The following STK33 variants were observed in gnomAD, a reference collection of about 807,000 sequenced individuals.
The protein encoded by STK33 is serine/threonine kinase 33.
A neutral mutation model predicts 58.0 loss-of-function variants in STK33; 52 were observed. The observed-to-expected ratio is 0.90, with a 90% CI of 0.72 to 1.13. The LOEUF is 1.13. STK33 is among the 50% of genes most tolerant of loss of function. The pLI, the probability that STK33 is intolerant of heterozygous loss-of-function variation, is 0.00. For synonymous variants in STK33, 215 were observed against 200.1 expected, an observed-to-expected ratio of 1.07 and a Z score of -0.63; for missense variants, 630 against 604.2, an observed-to-expected ratio of 1.04 and a Z score of -0.45.
intron 12 of STK33, among the ~76,000 whole-genome samples, chr11:8,437,458 A>T (rs1342273810): frequency 1.3e-5 from 2 of 152,216 alleles, no homozygotes; most frequent in Non-Finnish European, 1.5e-5. Flanking sequence ...AACCAGACAG[A>T]TGTAATTAGA....
rs142710171 is a variant in STK33, at chr11:8,475,002, T to G, written c.-97A>C. 9 of 1,188,632 alleles carry G rather than the reference T, an allele frequency of 7.6e-6. No homozygotes were observed. In the East Asian group the frequency reaches 2.0e-4, roughly 26 times the overall value. 73.6% of individuals were successfully genotyped at this position (1,188,632 alleles called of 1,614,324 possible). A position where few individuals can be genotyped will look rare whatever the true frequency, so the allele number is the denominator to read the frequency against. On this transcript the variant is annotated 5_prime_UTR_variant, in exon 5 of 16. Coordinates refer to ENST00000687296, the MANE Select transcript of STK33 (RefSeq NM_001352389.2). Reference sequence around the variant, plus strand: ...GGATAAGGTAGTTGATGGTGAAAACTGTAATTTCGAACTGGTGAAGTCCTC... The same window carrying G: ...GGATAAGGTAGTTGATGGTGAAAACGGTAATTTCGAACTGGTGAAGTCCTC...
chr11:8,553,610 G>A (rs180960880), intron 1 of STK33, among the ~76,000 whole-genome samples: 2 of 152,040 alleles, frequency 1.3e-5, no homozygotes, highest in African/African-American at 4.8e-5. Flanking sequence ...TAGACACACT[G>A]ACCAATGGAA....
chr11:8,578,184 C>T lies in STK33; in HGVS notation c.-466+15899G>A, dbSNP rs377465337. Among the ~76,000 whole-genome samples, 11 of 152,218 alleles carry T rather than the reference C, an allele frequency of 7.2e-5. No homozygotes were observed. The South Asian group carries it at 2.1e-3, about 29-fold the overall frequency. On this transcript the variant is annotated intron_variant, in intron 1 of 15. Coordinates refer to ENST00000687296, the MANE Select transcript of STK33 (RefSeq NM_001352389.2). Reference sequence around the variant, plus strand: ...ACTTACTTATTTATGATTTATCACACATTTGTACTGGGAAGAAAAACCTTC... The same window carrying T: ...ACTTACTTATTTATGATTTATCACATATTTGTACTGGGAAGAAAAACCTTC...
At chr11:8,517,523 G>A (rs1415155019) in intron 1 of STK33, among the ~76,000 whole-genome samples, 5 of 151,816 alleles carry the variant, frequency 3.3e-5, no homozygotes, top group African/African-American at 7.2e-5. Flanking sequence ...TCAGACGATC[G>A]GTAATAACAA....
intron 1 of STK33, among the ~76,000 whole-genome samples, chr11:8,525,755 G>A (rs901202435): frequency 6.6e-6 from 1 of 152,114 alleles, no homozygotes; most frequent in Admixed American, 6.5e-5. Context: ...ATACCATTAA[G>A]AGAGTGAAAG....
At chr11:8,450,719 C>T (rs1332080733) in intron 11 of STK33, among the ~76,000 whole-genome samples, 1 of 152,100 alleles carries the variant, frequency 6.6e-6, no homozygotes, top group Non-Finnish European at 1.5e-5. Context: ...AGAAAAGCTA[C>T]AGTCAAAGCT....
intron 15 of STK33, among the ~76,000 whole-genome samples, chr11:8,407,442 T>G (rs139892608): frequency 0.011 from 1,713 of 152,236 alleles, 41 homozygotes; most frequent in African/African-American, 0.037. Flanking sequence ...TTAGAAGAAT[T>G]AGACAGTGAA....
At chr11:8,466,514 G>A (rs1948203056) in intron 6 of STK33, 1 of 152,238 alleles carries the variant, frequency 6.6e-6, no homozygotes, top group African/African-American at 2.4e-5. Context: ...TGATGCAAGA[G>A]GTAGGTTCCC....
the STK33 span, among the ~76,000 whole-genome samples, chr11:8,338,434 T>A: frequency 3.3e-5 from 5 of 152,130 alleles, no homozygotes; most frequent in African/African-American, 1.2e-4. Context: ...TCCTATCAGT[T>A]ATCAGGAACA....
chr11:8,373,812 G>A, the STK33 span, among the ~76,000 whole-genome samples: 77 of 152,270 alleles, frequency 5.1e-4, 1 homozygote, highest in Non-Finnish European at 8.4e-4. Flanking sequence ...GCCTTCTGGG[G>A]GCCTCCCTGG....
intron 1 of STK33, among the ~76,000 whole-genome samples, chr11:8,520,398 G>A (rs1180820224): frequency 1.3e-5 from 2 of 151,962 alleles, no homozygotes; most frequent in Non-Finnish European, 2.9e-5. Flanking sequence ...TACTGAATGG[G>A]CAAAAACTGG....
intron 14 of STK33, chr11:8,433,778 A>G (rs551214410): frequency 1.6e-4 from 24 of 152,042 alleles, no homozygotes; most frequent in African/African-American, 5.1e-4. Flanking sequence ...TATCAATTAT[A>G]CCTCTAAAAT....
At chr11:8,511,887 G>A (rs190974722) in intron 1 of STK33, among the ~76,000 whole-genome samples, 2 of 152,066 alleles carry the variant, frequency 1.3e-5, no homozygotes. Flanking sequence ...GTATTTTGTT[G>A]AAGATTTTTG....
chr11:8,558,398 T>TACACAC (rs71059170), intron 1 of STK33, among the ~76,000 whole-genome samples: 2 of 149,686 alleles, frequency 1.3e-5, no homozygotes, highest in African/African-American at 4.9e-5. Flanking sequence ...TTGTCAGTGA[T>TACACAC]ACACACACAC....
chr11:8,429,331 TATC>T lies in STK33; in HGVS notation c.1146+6160_1146+6162del, dbSNP rs373637607. ...GTCATTTTTCAAAATTCTTTTTTGT[TATC>T]ATTCAAGCATAAAAGTTTGAACAGA... On this transcript the variant is annotated intron_variant, in intron 14 of 15. Transcript: ENST00000687296. Among the ~76,000 whole-genome samples the T allele has an allele frequency of 6.2e-4, 95 of 152,358 alleles. 1 individual carries two copies. In the South Asian group the frequency reaches 0.019, roughly 31 times the overall value.
chr11:8,335,444 G>A, the STK33 span, among the ~76,000 whole-genome samples: 339 of 152,312 alleles, frequency 2.2e-3, 2 homozygotes, highest in African/African-American at 7.7e-3. Flanking sequence ...ACTAGTGAAG[G>A]CTGACGACCT....
intron 14 of STK33, among the ~76,000 whole-genome samples, chr11:8,417,465 T>C (rs1564902052): frequency 1.3e-5 from 2 of 152,122 alleles, no homozygotes; most frequent in African/African-American, 4.8e-5. Flanking sequence ...ATAGTGCCTA[T>C]CAGTGCTTTG....
At chr11:8,360,385 A>T in the STK33 span, among the ~76,000 whole-genome samples, 1 of 152,248 alleles carries the variant, frequency 6.6e-6, no homozygotes, top group Non-Finnish European at 1.5e-5. Context: ...GAGGCTAGGC[A>T]GAAACACACA....
chr11:8,352,581 A>G, the STK33 span, among the ~76,000 whole-genome samples: 1 of 152,162 alleles, frequency 6.6e-6, no homozygotes, highest in Non-Finnish European at 1.5e-5. Flanking sequence ...CCATCACAGC[A>G]TCCAGTGTAA....
Sources: allele counts gnomAD v4.1 joint callset (sites outside exome capture counted in the v4.1 genomes callset), GRCh38; gene constraint gnomAD v4.1.1; transcripts MANE v1.5; gene names NCBI Gene and HGNC (gene_info 2026-07-23, HGNC 2026-07-21).